FILIP1L: variants seen among roughly 807,000 people sequenced by gnomAD.
FILIP1L encodes filamin A-interacting protein 1-like.
Under a neutral mutation model 96.6 loss-of-function variants are expected in FILIP1L, and 55 were observed. The observed-to-expected ratio is 0.57, with a 90% CI of 0.46 to 0.71. The LOEUF is 0.71. FILIP1L is among the 30% of genes least tolerant of loss of function. The pLI, the probability that FILIP1L is intolerant of heterozygous loss-of-function variation, is 0.00. For synonymous variants in FILIP1L, 467 were observed against 473.9 expected, an observed-to-expected ratio of 0.99 and a Z score of 0.19; for missense variants, 1,304 against 1,321.2, an observed-to-expected ratio of 0.99 and a Z score of 0.20.
chr3:99,974,669 T>C (rs1487427460), intron 1 of FILIP1L, among the ~76,000 whole-genome samples: 2 of 152,142 alleles, frequency 1.3e-5, no homozygotes, highest in African/African-American at 4.8e-5. Flanking sequence ...GTCATGCCAT[T>C]GCACTCCAGC....
At chr3:100,067,495 T>C (rs1576013830) in intron 1 of FILIP1L, among the ~76,000 whole-genome samples, 1 of 152,302 alleles carries the variant, frequency 6.6e-6, no homozygotes, top group South Asian at 2.1e-4. Flanking sequence ...AGTGAGTGTT[T>C]TTCAGGTGAA....
intron 4 of FILIP1L, among the ~76,000 whole-genome samples, chr3:99,880,678 A>C (rs1576543871): frequency 2.0e-5 from 3 of 152,056 alleles, no homozygotes; most frequent in African/African-American, 7.2e-5. Flanking sequence ...TTTGTTTTAA[A>C]ATTAATTTAA....
At chr3:100,022,865 T>G (rs1297732231) in intron 1 of FILIP1L, among the ~76,000 whole-genome samples, 1 of 152,190 alleles carries the variant, frequency 6.6e-6, no homozygotes, top group African/African-American at 2.4e-5. Context: ...ATTCAAAGTT[T>G]TGGACTGAGG....
At chr3:99,842,574 A>C (rs530367833) in intron 5 of FILIP1L, among the ~76,000 whole-genome samples, 1 of 151,988 alleles carries the variant, frequency 6.6e-6, no homozygotes, top group East Asian at 1.9e-4. Context: ...GGCTATGAGG[A>C]GGAAGAAGAA....
intron 1 of FILIP1L, among the ~76,000 whole-genome samples, chr3:100,027,899 T>C (rs995086676): frequency 6.6e-6 from 1 of 152,112 alleles, no homozygotes; most frequent in Non-Finnish European, 1.5e-5. Flanking sequence ...AGAGGGAAAG[T>C]GGTCAGAAAA....
At chr3:100,110,451 G>T (rs1322078778) in intron 1 of FILIP1L, among the ~76,000 whole-genome samples, 1 of 152,034 alleles carries the variant, frequency 6.6e-6, no homozygotes, top group Admixed American at 6.6e-5. Flanking sequence ...TCAAGTGATT[G>T]TCCCTGGATC....
chr3:99,992,230 T>C (rs1709545306), intron 1 of FILIP1L, among the ~76,000 whole-genome samples: 1 of 152,082 alleles, frequency 6.6e-6, no homozygotes, highest in Non-Finnish European at 1.5e-5. Flanking sequence ...TTTTTAGCTA[T>C]TTGAGAAACC....
At chr3:100,032,123 A>G (rs576643407) in intron 1 of FILIP1L, among the ~76,000 whole-genome samples, 2 of 152,328 alleles carry the variant, frequency 1.3e-5, no homozygotes, top group East Asian at 3.9e-4. Flanking sequence ...GGAATAAATA[A>G]TGAAACATGA....
Position 99,924,249 on chromosome 3 carries a change from G to T in FILIP1L, c.586C>A (p.Leu196Ile). The T allele has an allele frequency of 1.2e-6, 2 of 1,613,682 alleles. No individual in the cohort carries two copies. The highest frequency in any genetic ancestry group is 1.7e-6 in the Non-Finnish European group (2 of 1,179,898). ...CCTTACCTTTCACATTCCTGTTCTA[G>T]TAGGCATATGAATTCATCACTCTTC... ...MEKSDEFICL[L>I]EQECERLKKL... Residue 196 changes from leucine to isoleucine, a missense_variant, in exon 4 of 6, where the codon CTA becomes ATA. Coordinates refer to ENST00000477258, the MANE Select transcript of FILIP1L (RefSeq NM_001387850.1).
chr3:100,014,863 C>CTTTTTTTT (rs1710276798), intron 1 of FILIP1L, among the ~76,000 whole-genome samples: 1 of 18,078 alleles, frequency 5.5e-5, no homozygotes, highest in African/African-American at 2.4e-4. Flanking sequence ...CACCATTTGT[C>CTTTTTTTT]TTTTTCTTTT....
At chr3:99,983,434 A>G (rs1278593994) in intron 1 of FILIP1L, among the ~76,000 whole-genome samples, 2 of 67,820 alleles carry the variant, frequency 2.9e-5, no homozygotes, top group African/African-American at 6.0e-5. Flanking sequence ...GTATGTATGT[A>G]TATATATGTA....
chr3:99,931,737 G>A (rs999420591), intron 1 of FILIP1L, among the ~76,000 whole-genome samples: 4 of 152,104 alleles, frequency 2.6e-5, no homozygotes, highest in Non-Finnish European at 5.9e-5. Flanking sequence ...ACTACCTAAC[G>A]TAGTTGGCCA....
intron 1 of FILIP1L, among the ~76,000 whole-genome samples, chr3:100,068,346 G>A (rs1184453875): frequency 3.8e-5 from 4 of 106,562 alleles, no homozygotes; most frequent in Non-Finnish European, 6.0e-5. Context: ...TGATGAAAGA[G>A]CCTCTGTGTG....
intron 1 of FILIP1L, among the ~76,000 whole-genome samples, chr3:100,067,701 A>G (rs556497932): frequency 4.6e-5 from 7 of 152,188 alleles, no homozygotes; most frequent in Non-Finnish European, 7.3e-5. Flanking sequence ...ATGATTAACT[A>G]GTTTAAAAAC....
chr3:99,863,428 G>A (rs957142065), intron 4 of FILIP1L, among the ~76,000 whole-genome samples: 3 of 152,262 alleles, frequency 2.0e-5, no homozygotes, highest in East Asian at 1.9e-4. Context: ...TGGGTTGACT[G>A]GGTTAGTACA....
At chr3:100,024,874 A>C (rs1576650232) in intron 1 of FILIP1L, among the ~76,000 whole-genome samples, 1 of 152,168 alleles carries the variant, frequency 6.6e-6, no homozygotes, top group African/African-American at 2.4e-5. Context: ...CAAGCAGGCT[A>C]TCCTGACTTT....
At chr3:100,059,158 A>G (rs1257614699) in intron 1 of FILIP1L, among the ~76,000 whole-genome samples, 3 of 152,258 alleles carry the variant, frequency 2.0e-5, no homozygotes, top group Admixed American at 6.5e-5. Context: ...CTGTTGATAC[A>G]GAAACATATA....
chr3:100,107,050 A>T (rs1347254022), intron 1 of FILIP1L, among the ~76,000 whole-genome samples: 3 of 152,144 alleles, frequency 2.0e-5, no homozygotes, highest in Non-Finnish European at 2.9e-5. Context: ...CAGCCAAGAG[A>T]TATAAATTTG....
chr3:100,092,851 T>C (rs1295803658), intron 1 of FILIP1L, among the ~76,000 whole-genome samples: 4 of 151,698 alleles, frequency 2.6e-5, no homozygotes, highest in African/African-American at 9.7e-5. Context: ...GTTCCATTCT[T>C]CTCACAAGAC....
Sources: gnomAD v4.1 joint callset for allele counts (sites outside exome capture counted in the v4.1 genomes callset) on GRCh38, gnomAD v4.1.1 for gene constraint, MANE v1.5 for transcripts, NCBI Gene and HGNC (gene_info 2026-07-23, HGNC 2026-07-21) for gene names.